TRPM6: variants seen among roughly 807,000 people sequenced by gnomAD.
TRPM6 encodes the protein channel kinase 2.
In TRPM6, 111 loss-of-function variants were observed where a neutral mutation model predicts 247.6. The observed-to-expected ratio is 0.45, with a 90% CI of 0.38 to 0.52. The LOEUF is 0.52. Among genes scored for constraint, TRPM6 ranks in the 20% least tolerant of loss-of-function variants. TRPM6 has a pLI of 0.00. For synonymous variants in TRPM6, 892 were observed against 853.8 expected (o/e 1.04, Z -0.78); for missense variants, 2,126 against 2,421.5 (o/e 0.88, Z 2.56).
chr9:74,850,915 C>A (rs1169541543), intron 3 of TRPM6, among the ~76,000 whole-genome samples: 2 of 152,174 alleles, frequency 1.3e-5, no homozygotes, highest in Non-Finnish European at 2.9e-5. Context: ...GAAGCAGCAT[C>A]TATTCAAACA....
intron 33 of TRPM6, 107 bp from the exon 34 acceptor site, chr9:74,740,116 G>C: frequency 7.9e-7 from 1 of 1,257,974 alleles, no homozygotes; most frequent in African/African-American, 1.5e-5. Context: ...CAAATGACCA[G>C]AGGAGAATGG....
intron 1 of TRPM6, among the ~76,000 whole-genome samples, chr9:74,871,815 G>T (rs1416828346): frequency 6.6e-6 from 1 of 151,276 alleles, no homozygotes; most frequent in Non-Finnish European, 1.5e-5. Context: ...GAGTATCTAG[G>T]ATTACAAGCA....
chr9:74,724,041 A>G lies in TRPM6; in HGVS notation c.*572T>C, dbSNP rs1032875974. The G allele has an allele frequency of 8.4e-5, 13 of 154,078 alleles. No homozygotes were observed. Among genetic ancestry groups the G allele is most frequent in the African/African-American group, 1.5e-4 (6 of 41,320 alleles). 9.5% of individuals were successfully genotyped at this position (154,078 alleles called of 1,614,324 possible). Reference sequence around the variant, plus strand: ...AAACCCATCGAGATTTCACCAGTATACTTGGTAGTTTGTGCAGGAATGTGC... The same window carrying G: ...AAACCCATCGAGATTTCACCAGTATGCTTGGTAGTTTGTGCAGGAATGTGC... On this transcript the variant is annotated 3_prime_UTR_variant, in exon 39 of 39. Coordinates refer to ENST00000360774, the MANE Select transcript of TRPM6 (RefSeq NM_017662.5).
intron 3 of TRPM6, among the ~76,000 whole-genome samples, chr9:74,854,826 G>A (rs1468311480): frequency 3.9e-5 from 6 of 151,964 alleles, no homozygotes; most frequent in South Asian, 4.2e-4. Flanking sequence ...AACAAGTCCC[G>A]CTACAATTTT....
In TRPM6 at chr9:74,761,720, C is replaced by G; in HGVS notation, c.4761G>C (p.Lys1587Asn). ...TKDRRLSKKKKNTQGLQVPII... is the reference protein window; with the variant it reads ...TKDRRLSKKKNNTQGLQVPII... ...CTGGCACCTGGAGTCCTTGAGTATTCTTCTTTTTCTTTGACAGTCTCCTGT... is the reference window on the plus strand; with the variant it reads ...CTGGCACCTGGAGTCCTTGAGTATTGTTCTTTTTCTTTGACAGTCTCCTGT... Residue 1587 changes from lysine to asparagine, a missense_variant, in exon 27 of 39, where the codon AAG becomes AAC. This residue lies in a region of TRPM6 where 717 missense variants were observed against 715.9 expected (regional missense o/e 1.00). Transcript: ENST00000360774. 6.2e-7 allele frequency: 1 copy of G among 1,612,934 alleles called. No individual in the cohort carries two copies. Among genetic ancestry groups the G allele is most frequent in the Non-Finnish European group, 8.5e-7 (1 of 1,178,954 alleles).
In TRPM6 at chr9:74,763,008, G is replaced by A; in HGVS notation, c.3663C>T (p.Thr1221=). 6.2e-7 allele frequency: 1 copy of A among 1,613,798 alleles called. No homozygotes were observed. Among genetic ancestry groups the A allele is most frequent in the South Asian group, 1.1e-5 (1 of 91,062 alleles). The part of the protein sequence containing the change: ...LQDLSALTVD[T]LKVLSAVDTL... ...TGTCAACAGCAGAAAGGACTTTCAG[G>A]GTATCCACAGTCAGGGCAGAGAGAT... The change falls in exon 26 of 39, where the codon ACC becomes ACT. Residue 1221 remains threonine, a synonymous_variant. Transcript: ENST00000360774.
intron 37 of TRPM6, among the ~76,000 whole-genome samples, chr9:74,730,102 T>C (rs992546775): frequency 6.6e-6 from 1 of 152,184 alleles, no homozygotes; most frequent in African/African-American, 2.4e-5. Context: ...CAGTCTTAGA[T>C]AACCAGGTTT....
chr9:74,869,020 G>C (rs544545652), intron 1 of TRPM6, among the ~76,000 whole-genome samples: 1 of 152,080 alleles, frequency 6.6e-6, no homozygotes, highest in Non-Finnish European at 1.5e-5. Flanking sequence ...TATCAAAGTA[G>C]AAAATTTCAA....
rs1825400502 is a variant in TRPM6 at position 74,728,265 on chromosome 9, G to A, written c.5909C>T (p.Ser1970Phe). 1.2e-6 allele frequency: 2 copies of A among 1,613,974 alleles called. No individual in the cohort carries two copies. The highest frequency in any genetic ancestry group is 1.1e-5 in the South Asian group (1 of 91,078). Residue 1970 changes from serine (S) to phenylalanine (F), a missense_variant, in exon 38 of 39, where the codon TCC becomes TTC. By Grantham distance (155) the Ser-to-Phe change is radical (BLOSUM62 -2). Around this residue, in one of 3 missense-constraint regions of TRPM6, gnomAD observed 327 missense variants for 397.7 expected, o/e 0.82. Coordinates refer to ENST00000360774, the MANE Select transcript of TRPM6 (RefSeq NM_017662.5). ...RNFIAKHHCN[S>F]CCRKLKLPDL... is the part of the protein sequence containing the mutation. ...CGGGAGTTTGAGCTTCCGGCAGCAG[G>A]AGTTACAATGATGTTTTGCAATGAA...
intron 1 of TRPM6, among the ~76,000 whole-genome samples, chr9:74,864,840 G>C (rs974538319): frequency 6.6e-6 from 1 of 152,168 alleles, no homozygotes. Flanking sequence ...GGGAGGCTGA[G>C]GTGGGTGGAT....
At chr9:74,797,181 G>A (rs1828127843) in intron 17 of TRPM6, among the ~76,000 whole-genome samples, 1 of 152,190 alleles carries the variant, frequency 6.6e-6, no homozygotes, top group African/African-American at 2.4e-5. Context: ...GGGACAGCTG[G>A]TCTGGAATAA....
Position 74,788,683 on chromosome 9 carries a change from G to C in TRPM6, c.2598C>G (p.Pro866=), listed in dbSNP as rs1046747863. The change falls in exon 20 of 39, where the codon CCC becomes CCG. Residue 866 remains proline (P), a synonymous_variant. Coordinates refer to ENST00000360774, the MANE Select transcript of TRPM6 (RefSeq NM_017662.5). ...FTYTVLVEMQ[P]QPSVQEWLVS... ...CAAGCCACTCCTGCACGCTGGGCTG[G>C]GGCTGCATCTCCACCAACACGGTGT... The C allele has an allele frequency of 1.9e-6, 3 of 1,614,062 alleles. No homozygotes were observed. Among genetic ancestry groups the C allele is most frequent in the Non-Finnish European group, 2.5e-6 (3 of 1,179,960 alleles).
chr9:74,785,530 CT>C (rs35552309), intron 21 of TRPM6, among the ~76,000 whole-genome samples: 65,734 of 150,030 alleles, frequency 0.44, 14,879 homozygotes, highest in African/African-American at 0.54. Context: ...TTTTGAAAAC[CT>C]TTTTTTTTTG....
rs571269066 is a variant in TRPM6 at position 74,850,188 on chromosome 9, A to G, written c.152+5339T>C. Among the ~76,000 whole-genome samples, 12 of 152,152 alleles carry G rather than the reference A, an allele frequency of 7.9e-5. No individual in the cohort carries two copies. In the East Asian group the frequency reaches 2.3e-3, roughly 29 times the overall value. On this transcript the variant is annotated intron_variant, in intron 3 of 38. Coordinates refer to ENST00000360774, the MANE Select transcript of TRPM6 (RefSeq NM_017662.5). Reference sequence around the variant, plus strand: ...GGCATTCAAGACCAGCCTGGCCAACATGGTAAAACCCCATCTCTACTAAAA... The same window carrying G: ...GGCATTCAAGACCAGCCTGGCCAACGTGGTAAAACCCCATCTCTACTAAAA...
At position 74,814,781 on chromosome 9, in the gene TRPM6, T is replaced by C. The variant is rs7850554; in HGVS notation, c.1308+1888A>G. 4.3e-3 allele frequency among the ~76,000 whole-genome samples: 656 copies of C among 152,166 alleles called. 6 individuals carry two copies. Among genetic ancestry groups the C allele is most frequent in the African/African-American group, 0.015 (620 of 41,526 alleles). ...CTAGCCAACATGGCAAACCCCTGTC[T>C]CTACTAAAAATACAAAAATTAGCCT... On this transcript the variant is annotated intron_variant, in intron 11 of 38. Transcript: ENST00000360774.
At chr9:74,748,923 C>G (rs1021247387) in intron 30 of TRPM6, among the ~76,000 whole-genome samples, 1 of 152,180 alleles carries the variant, frequency 6.6e-6, no homozygotes. Flanking sequence ...ACACCCAGAG[C>G]AAGCTTCCAG....
intron 2 of TRPM6, among the ~76,000 whole-genome samples, chr9:74,858,247 C>T (rs865790984): frequency 2.0e-5 from 3 of 152,152 alleles, no homozygotes; most frequent in Non-Finnish European, 2.9e-5. Context: ...ATTAGCCGGA[C>T]GTGGTGGCAG....
intron 20 of TRPM6, 108 bp from the exon 21 acceptor site, chr9:74,786,233 C>T (rs2118945846): frequency 1.6e-6 from 2 of 1,241,592 alleles, no homozygotes; most frequent in Non-Finnish European, 2.3e-6. Flanking sequence ...AATCTAAAAC[C>T]TGCCAAACCT....
chr9:74,829,884 G>A (rs1161155911), intron 6 of TRPM6, among the ~76,000 whole-genome samples: 1 of 152,066 alleles, frequency 6.6e-6, no homozygotes, highest in Non-Finnish European at 1.5e-5. Flanking sequence ...CAACACTTTG[G>A]GAGGCCAAGG....
Sources: allele counts gnomAD v4.1 joint callset (sites outside exome capture counted in the v4.1 genomes callset), GRCh38; gene constraint gnomAD v4.1.1; regional missense constraint gnomAD v4.1.1; transcripts MANE v1.5; gene names NCBI Gene and HGNC (gene_info 2026-07-23, HGNC 2026-07-21).